The following CSMD3 variants were observed in gnomAD, a reference collection of about 807,000 sequenced individuals.
CSMD3 encodes CUB and sushi domain-containing protein 3.
A neutral mutation model predicts 435.2 loss-of-function variants in CSMD3; 177 were observed. The ratio of observed to expected loss-of-function variants is 0.41; its 90% CI spans 0.36 to 0.46. CSMD3 has a LOEUF of 0.46. Ranked by LOEUF, CSMD3 falls within the 20% of genes least tolerant of loss-of-function variation. CSMD3 has a pLI of 0.34. For missense variants in CSMD3, 4,265 were observed against 4,504.6 expected, an observed-to-expected ratio of 0.95 and a Z score of 1.52; for synonymous variants, 1,656 against 1,520.5, an observed-to-expected ratio of 1.09 and a Z score of -2.07.
chr8:112,474,531 G>T (rs1818849769), intron 31 of CSMD3, among the ~76,000 whole-genome samples: 1 of 152,168 alleles, frequency 6.6e-6, no homozygotes, highest in Admixed American at 6.6e-5. Flanking sequence ...CAAAAGTGGA[G>T]TGATTCCCAT....
intron 1 of CSMD3, among the ~76,000 whole-genome samples, chr8:113,380,439 C>CT (rs1394143433): frequency 1.3e-5 from 2 of 151,870 alleles, no homozygotes; most frequent in African/African-American, 4.8e-5. Context: ...TGTGTGTTTC[C>CT]TTTTTTCAAA....
intron 5 of CSMD3, among the ~76,000 whole-genome samples, chr8:113,087,689 C>A (rs993102083): frequency 4.0e-5 from 6 of 151,640 alleles, no homozygotes; most frequent in African/African-American, 1.5e-4. Flanking sequence ...CTTCCTTACA[C>A]CTTATACAAA....
rs772791043 is a variant in CSMD3, at chr8:112,335,319, T to C, written c.7165+10A>G. 1 of 1,613,048 alleles carries C rather than the reference T, an allele frequency of 6.2e-7. No homozygotes were observed. The highest frequency in any genetic ancestry group is 1.7e-5 in the Admixed American group (1 of 60,006). ...AGCAAATGAAATAGGAACTCTCAGA[T>C]AATACCAACCGTGATAACTGAGCAC... On this transcript the variant is annotated intron_variant, in intron 45 of 70. Coordinates refer to ENST00000297405, the MANE Select transcript of CSMD3 (RefSeq NM_198123.2).
intron 58 of CSMD3, among the ~76,000 whole-genome samples, chr8:112,282,251 C>A (rs1208840674): frequency 6.7e-6 from 1 of 150,346 alleles, no homozygotes; most frequent in Non-Finnish European, 1.5e-5. Context: ...TGTGTGTGTG[C>A]ATGCGCGTAT....
rs71309787 is a variant in CSMD3 at position 112,747,183 on chromosome 8, CTTTTTTTTTTTTTTT to C, written c.1972+52964_1972+52978del. 1.6e-3 allele frequency among the ~76,000 whole-genome samples: 43 copies of C among 26,946 alleles called. 1 individual carries two copies. The highest frequency in any genetic ancestry group is 4.7e-3 in the African/African-American group (18 of 3,836). The allele number at this position is 26,946 out of a possible 152,430, so 17.7% of individuals were successfully genotyped here. Reference sequence around the variant, plus strand: ...TATGATTATTTGTCTGCACACTTCCCTTTTTTTTTTTTTTTTTTTTTTTTTTTTTTTTTTTTTGGT... The same window carrying C: ...TATGATTATTTGTCTGCACACTTCCCTTTTTTTTTTTTTTTTTTTTTTGGT... On this transcript the variant is annotated intron_variant, in intron 13 of 70. Transcript: ENST00000297405.
chr8:112,708,674 G>A, intron 13 of CSMD3, among the ~76,000 whole-genome samples: 1 of 141,340 alleles, frequency 7.1e-6, no homozygotes, highest in Non-Finnish European at 1.5e-5. Flanking sequence ...TTAATCTGAA[G>A]GACTGAATAT....
At chr8:113,161,710 A>G (rs567218400) in intron 4 of CSMD3, among the ~76,000 whole-genome samples, 2 of 152,280 alleles carry the variant, frequency 1.3e-5, no homozygotes, top group Admixed American at 6.5e-5. Flanking sequence ...AATACACTTA[A>G]TAGTTTACAC....
At chr8:113,062,960 A>G (rs560244975) in intron 5 of CSMD3, among the ~76,000 whole-genome samples, 1 of 151,852 alleles carries the variant, frequency 6.6e-6, no homozygotes, top group East Asian at 1.9e-4. Flanking sequence ...GCTTTATTAT[A>G]TAATATTGAT....
At chr8:112,862,792 C>T (rs1480409801) in intron 10 of CSMD3, among the ~76,000 whole-genome samples, 1 of 151,894 alleles carries the variant, frequency 6.6e-6, no homozygotes, top group East Asian at 1.9e-4. Flanking sequence ...AATATGTGAG[C>T]ATTTAAAACT....
At chr8:113,201,145 A>G (rs140015299) in intron 3 of CSMD3, among the ~76,000 whole-genome samples, 1 of 152,022 alleles carries the variant, frequency 6.6e-6, no homozygotes, top group East Asian at 1.9e-4. Context: ...ATCTTTTCCT[A>G]TGGTCATAGC....
chr8:113,138,059 T>A (rs947323436), intron 4 of CSMD3, among the ~76,000 whole-genome samples: 1 of 151,612 alleles, frequency 6.6e-6, no homozygotes, highest in African/African-American at 2.4e-5. Context: ...TGCTCTTTTT[T>A]TCCCTAATGT....
intron 29 of CSMD3, among the ~76,000 whole-genome samples, chr8:112,506,033 G>A (rs1228110826): frequency 6.6e-6 from 1 of 152,058 alleles, no homozygotes; most frequent in Non-Finnish European, 1.5e-5. Context: ...AGAAAATGGG[G>A]ATAGTAATAG....
chr8:112,715,263 ATACAAAC>A (rs1248537124), intron 13 of CSMD3, among the ~76,000 whole-genome samples: 1 of 152,222 alleles, frequency 6.6e-6, no homozygotes, highest in African/African-American at 2.4e-5. Flanking sequence ...CCCCACATAA[ATACAAAC>A]TACCATCAGA....
intron 27 of CSMD3, among the ~76,000 whole-genome samples, chr8:112,536,677 C>T (rs1426978678): frequency 6.6e-6 from 1 of 150,866 alleles, no homozygotes; most frequent in Non-Finnish European, 1.5e-5. Flanking sequence ...GGGTATATAC[C>T]CAAAGGACTA....
chr8:112,579,243 CATAAT>C (rs895674894), intron 23 of CSMD3, among the ~76,000 whole-genome samples: 8 of 152,020 alleles, frequency 5.3e-5, no homozygotes, highest in Non-Finnish European at 8.8e-5. Flanking sequence ...TAGTGCTACT[CATAAT>C]GTAATGGGCA....
At chr8:112,817,226 G>A (rs2079399271) in intron 12 of CSMD3, among the ~76,000 whole-genome samples, 1 of 152,166 alleles carries the variant, frequency 6.6e-6, no homozygotes, top group South Asian at 2.1e-4. Context: ...AAATGAAGGA[G>A]TATCACATAT....
At chr8:113,116,263 T>C (rs529345890) in intron 4 of CSMD3, among the ~76,000 whole-genome samples, 8 of 152,158 alleles carry the variant, frequency 5.3e-5, no homozygotes, top group Non-Finnish European at 1.0e-4. Flanking sequence ...AATTGAATCA[T>C]AGGGGCAGTT....
intron 3 of CSMD3, among the ~76,000 whole-genome samples, chr8:113,182,146 C>T (rs2092430010): frequency 6.6e-6 from 1 of 151,880 alleles, no homozygotes; most frequent in Admixed American, 6.6e-5. Context: ...AAAAATAAGA[C>T]ATACATGGTA....
At chr8:112,490,506 T>C (rs1187180682) in intron 31 of CSMD3, among the ~76,000 whole-genome samples, 1 of 152,160 alleles carries the variant, frequency 6.6e-6, no homozygotes. Flanking sequence ...GGCATATTCT[T>C]AGTGAAAGCA....
Sources: allele counts gnomAD v4.1 joint callset (sites outside exome capture counted in the v4.1 genomes callset), GRCh38; gene constraint gnomAD v4.1.1; transcripts MANE v1.5; gene names NCBI Gene and HGNC (gene_info 2026-07-23, HGNC 2026-07-21).